Variants in ESYT3 observed in about 807,000 individuals in gnomAD.
The protein encoded by ESYT3 is extended synaptotagmin-3.
ESYT3 carries 101 observed loss-of-function variants against 111.5 expected under a neutral mutation model. The ratio of observed to expected loss-of-function variants is 0.91; its 90% CI spans 0.77 to 1.07. The LOEUF is 1.07. ESYT3 is among the 50% of genes least tolerant of loss of function. The pLI, the probability that ESYT3 is intolerant of heterozygous loss-of-function variation, is 0.00. For missense variants in ESYT3, 1,097 were observed against 1,109.4 expected (o/e 0.99, Z 0.16); for synonymous variants, 416 against 446.8 (o/e 0.93, Z 0.87).
chr3:138,457,987 C>G (rs145487504), intron 4 of ESYT3, among the ~76,000 whole-genome samples: 1 of 152,120 alleles, frequency 6.6e-6, no homozygotes, highest in African/African-American at 2.4e-5. Context: ...AGCTGGAGAC[C>G]TGGGCTCTGC....
intron 8 of ESYT3, among the ~76,000 whole-genome samples, chr3:138,462,791 T>A (rs546795900): frequency 6.6e-6 from 1 of 152,168 alleles, no homozygotes; most frequent in Admixed American, 6.5e-5. Context: ...GCTTTCCGAG[T>A]AGCTGGGACT....
downstream of ESYT3, chr3:138,479,972 G>A (rs2033651466): frequency 6.6e-6 from 1 of 152,176 alleles, no homozygotes; most frequent in Admixed American, 6.5e-5. Context: ...TGTGGTTTCT[G>A]TCTCCTAAGT....
Position 138,434,846 on chromosome 3 carries a change from A to G in ESYT3, c.48A>G (p.Gly16=), listed in dbSNP as rs2030503361. ...PCAPGAPSAL[G]AQRTPGPELR... The stretch of plus-strand genomic sequence containing the variant: ...CCCCCGGGGCCCCCAGCGCCCTGGG[A>G]GCCCAGCGCACGCCGGGCCCCGAGC... Residue 16 remains glycine (G), a synonymous_variant, in exon 1 of 23, where the codon GGA becomes GGG. Transcript: ENST00000389567. The G allele has an allele frequency of 6.4e-7, 1 of 1,550,446 alleles. No homozygotes were observed. Among genetic ancestry groups the G allele is most frequent in the Non-Finnish European group, 8.7e-7 (1 of 1,147,740 alleles).
intron 13 of ESYT3, 44 bp from the exon 14 acceptor site, chr3:138,468,775 A>C: frequency 6.2e-7 from 1 of 1,613,858 alleles, no homozygotes; most frequent in Non-Finnish European, 8.5e-7. Context: ...CATCACTTTC[A>C]AATTGTCCTG....
rs775127784 is a variant in ESYT3, at chr3:138,459,264, C to T, written c.648+11C>T. The T allele has an allele frequency of 2.6e-6, 4 of 1,541,800 alleles. No homozygotes were observed. In the South Asian group the frequency reaches 3.7e-5, roughly 14 times the overall value. On this transcript the variant is annotated intron_variant, in intron 5 of 22. Coordinates refer to ENST00000389567, the MANE Select transcript of ESYT3 (RefSeq NM_031913.5). Reference sequence around the variant, plus strand: ...GTGAACGGGATCCAGGTGGGTGGAGCCCGGTGGGGCTGCCTCTGTTCCAGC... The same window carrying T: ...GTGAACGGGATCCAGGTGGGTGGAGTCCGGTGGGGCTGCCTCTGTTCCAGC...
At chr3:138,461,362 G>A (rs1267079940) in intron 7 of ESYT3, among the ~76,000 whole-genome samples, 1 of 152,208 alleles carries the variant, frequency 6.6e-6, no homozygotes, top group African/African-American at 2.4e-5. Context: ...CTGGGGGCAA[G>A]TGAAGGCTGC....
intron 1 of ESYT3, among the ~76,000 whole-genome samples, chr3:138,438,810 A>C (rs1409483125): frequency 6.6e-6 from 1 of 152,210 alleles, no homozygotes; most frequent in Non-Finnish European, 1.5e-5. Context: ...TGGAAGGAAG[A>C]ATTCTCCTTA....
chr3:138,454,248 A>T (rs1163834333), intron 2 of ESYT3, among the ~76,000 whole-genome samples: 2 of 151,806 alleles, frequency 1.3e-5, no homozygotes, highest in African/African-American at 2.4e-5. Flanking sequence ...CCTTGTCTTA[A>T]AAAAGAAGGC....
chr3:138,469,924 C>T (rs573796238), intron 15 of ESYT3, 136 bp from the exon 16 acceptor site: 16 of 618,250 alleles, frequency 2.6e-5, no homozygotes, highest in African/African-American at 7.4e-5. Flanking sequence ...CTAGCTGTAG[C>T]GTGTTTGGGT....
rs188412270 is a variant in ESYT3, at chr3:138,477,106, A to T, written c.*252A>T. 2.4e-4 allele frequency: 94 copies of T among 387,060 alleles called. No individual in the cohort carries two copies. The highest frequency in any genetic ancestry group is 1.8e-3 in the African/African-American group (85 of 47,942). The allele number at this position is 387,060 out of a possible 1,614,324, so 24.0% of individuals were successfully genotyped here. On this transcript the variant is annotated 3_prime_UTR_variant, in exon 23 of 23. Transcript: ENST00000389567. ...TTGTTCAAGTCCAGAAAGAAATGTT[A>T]TATTTGTGCCTACTAAATTATCCAA...
chr3:138,477,064 T>G lies in ESYT3; in HGVS notation c.*210T>G, dbSNP rs944810704. On this transcript the variant is annotated 3_prime_UTR_variant, in exon 23 of 23. Coordinates refer to ENST00000389567, the MANE Select transcript of ESYT3 (RefSeq NM_031913.5). ...GGTTATTTAAAAGCAAGAACTACTTTTTTTGGTTGGATTTTTTTGTTCAAG... is the reference window on the plus strand; with the variant it reads ...GGTTATTTAAAAGCAAGAACTACTTGTTTTGGTTGGATTTTTTTGTTCAAG... 1.6e-4 allele frequency: 69 copies of G among 434,420 alleles called. No homozygotes were observed. Among genetic ancestry groups the G allele is most frequent in the Admixed American group, 2.0e-4 (5 of 25,400 alleles). 26.9% of individuals were successfully genotyped at this position (434,420 alleles called of 1,614,324 possible).
intron 1 of ESYT3, among the ~76,000 whole-genome samples, chr3:138,446,887 TAGTC>T (rs1168997401): frequency 1.3e-5 from 2 of 151,506 alleles, no homozygotes; most frequent in African/African-American, 2.4e-5. Flanking sequence ...AAACAAACAA[TAGTC>T]AGGCGTGGTG....
chr3:138,447,791 AG>A (rs1440051487), intron 1 of ESYT3, among the ~76,000 whole-genome samples: 1 of 152,192 alleles, frequency 6.6e-6, no homozygotes, highest in East Asian at 1.9e-4. Context: ...GAATAAATAA[AG>A]GGTGTCAATG....
intron 1 of ESYT3, among the ~76,000 whole-genome samples, 164 bp from the exon 2 acceptor site, chr3:138,451,884 C>G (rs879182778): frequency 6.6e-6 from 1 of 152,230 alleles, no homozygotes; most frequent in Non-Finnish European, 1.5e-5. Context: ...GGCTGGACGC[C>G]GAGTGGGTGC....
At position 138,468,842 on chromosome 3, in the gene ESYT3, T is replaced by A; in HGVS notation, c.1395T>A (p.Asn465Lys). 1 of 1,614,172 alleles carries A rather than the reference T, an allele frequency of 6.2e-7. No individual in the cohort carries two copies. Among genetic ancestry groups the A allele is most frequent in the Non-Finnish European group, 8.5e-7 (1 of 1,180,020 alleles). The change falls in exon 14 of 23, where the codon AAT becomes AAA. Residue 465 changes from asparagine (N) to lysine (K), a missense_variant. Physicochemically the swap from Asn to Lys is moderately conservative, Grantham distance 94. Coordinates refer to ENST00000389567, the MANE Select transcript of ESYT3 (RefSeq NM_031913.5). ...NLPRNPFDYL[N>K]GEYRAKKLSR... ...AGAGAAACCCTTTTGACTACCTGAA[T>A]GGTGAATATCGAGCCAAAAAACTCT...
chr3:138,455,016 C>T (rs574829153), intron 2 of ESYT3, among the ~76,000 whole-genome samples, 178 bp from the exon 3 acceptor site: 10 of 152,262 alleles, frequency 6.6e-5, no homozygotes, highest in South Asian at 2.1e-4. Flanking sequence ...AGATGTTTGA[C>T]GGACAGACAG....
At chr3:138,469,970 T>A in intron 15 of ESYT3, 90 bp from the exon 16 acceptor site, 1 of 1,102,816 alleles carries the variant, frequency 9.1e-7, no homozygotes, top group African/African-American at 1.5e-5. Flanking sequence ...TTCCCAATGG[T>A]ACCTGGTGGC....
In ESYT3 at chr3:138,435,078, C is replaced by T. The variant is rs757596638; in HGVS notation, c.280C>T (p.Arg94Cys). 80 of 1,593,342 alleles carry T rather than the reference C, an allele frequency of 5.0e-5. No homozygotes were observed. The highest frequency in any genetic ancestry group is 1.9e-4 in the African/African-American group (14 of 74,808). Residue 94 changes from arginine (R) to cysteine (C), a missense_variant, in exon 1 of 23, where the codon CGC becomes TGC. Coordinates refer to ENST00000389567, the MANE Select transcript of ESYT3 (RefSeq NM_031913.5). This position sits in a 1 kb window ranked among gnomAD's most constrained non-coding sequence, Gnocchi z 4.8. Reference protein sequence around the residue: ...AAAFEFLDNEREFISRELRGQ... With the variant: ...AAAFEFLDNECEFISRELRGQ... ...CGCCTTCGAATTCCTTGACAATGAA[C>T]GCGAGTTCATCAGCCGCGAGCTGCG...
At chr3:138,474,696 CTTGAGCCTGAGGACCTA>C (rs1471095481) in intron 20 of ESYT3, 1 of 165,420 alleles carries the variant, frequency 6.0e-6, no homozygotes, top group Non-Finnish European at 1.3e-5. Flanking sequence ...TTAAACATTC[CTTGAGCCTGAGGACCTA>C]AAGTTTCCTC....
Sources: allele counts gnomAD v4.1 joint callset (sites outside exome capture counted in the v4.1 genomes callset), GRCh38; gene constraint gnomAD v4.1.1; non-coding constraint Gnocchi (gnomAD v3.1); transcripts MANE v1.5; gene names NCBI Gene and HGNC (gene_info 2026-07-23, HGNC 2026-07-21).